Variants in ABCF3 observed in about 807,000 individuals in gnomAD.
ABCF3 encodes ATP-binding cassette sub-family F member 3.
In ABCF3, 62 loss-of-function variants were observed where a neutral mutation model predicts 94.3. The observed-to-expected ratio is 0.66, with a 90% confidence interval of 0.54 to 0.81. The LOEUF is 0.81. Ranked by LOEUF, ABCF3 falls within the 40% of genes least tolerant of loss-of-function variation. The pLI is 0.00. For missense variants in ABCF3, 843 were observed against 925.3 expected (o/e 0.91, Z 1.15); for synonymous variants, 355 against 361.1 (o/e 0.98, Z 0.19).
Position 184,193,908 on chromosome 3 carries a change from G to C in ABCF3, c.*210G>C. 1.6e-6 allele frequency: 1 copy of C among 626,486 alleles called. No individual in the cohort carries two copies. Among genetic ancestry groups the C allele is most frequent in the Admixed American group, 3.4e-5 (1 of 29,728 alleles). The allele number at this position is 626,486 out of a possible 1,614,324, so 38.8% of individuals were successfully genotyped here. ...GAGGACTGGTCTCCCGGGGGTGGGG[G>C]TCTGGGGGGTACCCTCTGGGGTTAT... On this transcript the variant is annotated 3_prime_UTR_variant, in exon 21 of 21. Coordinates refer to ENST00000429586, the MANE Select transcript of ABCF3 (RefSeq NM_018358.3). The surrounding 1 kb of genome is among the most constrained non-coding windows in gnomAD (Gnocchi z 5.2).
chr3:184,186,222 CGAAATCCT>C lies in ABCF3; in HGVS notation c.17_24del (p.Glu6AlafsTer8). ...CTGAGTGGAACATGGCGACTTGCGC[CGAAATCCT>C]GCGGAGCGAGTTCCCCGAAATTGAC... On this transcript the variant is annotated frameshift_variant, in exon 1 of 21. Transcript: ENST00000429586. LOFTEE classifies it high-confidence loss of function. 5 of 1,614,188 alleles carry C rather than the reference CGAAATCCT, an allele frequency of 3.1e-6. No individual in the cohort carries two copies. Among genetic ancestry groups the C allele is most frequent in the Non-Finnish European group, 4.2e-6 (5 of 1,180,036 alleles).
At chr3:184,190,425 G>A (rs1715947097) in intron 14 of ABCF3, 1 of 175,226 alleles carries the variant, frequency 5.7e-6, no homozygotes, top group Non-Finnish European at 1.2e-5. Flanking sequence ...GTGGACATAT[G>A]TTTTCAGCTT....
At position 184,188,199 on chromosome 3, in the gene ABCF3, G is replaced by T; in HGVS notation, c.628G>T (p.Gly210Trp). 1.2e-6 allele frequency: 2 copies of T among 1,614,084 alleles called. No homozygotes were observed. The highest frequency in any genetic ancestry group is 1.7e-6 in the Non-Finnish European group (2 of 1,180,042). ...ATGGGGCCGCCGTTACGGGCTGGTG[G>T]GGCGGAATGGGTTGGGGAAGACAAC... Reference protein sequence around the residue: ...LAWGRRYGLVGRNGLGKTTLL... With the variant: ...LAWGRRYGLVWRNGLGKTTLL... Residue 210 changes from glycine (G) to tryptophan (W), a missense_variant, in exon 7 of 21, where the codon GGG becomes TGG. Transcript: ENST00000429586.
chr3:184,193,324 C>T lies in ABCF3; in HGVS notation c.1884-41C>T, dbSNP rs79929914. 15,953 of 1,613,682 alleles carry T rather than the reference C, an allele frequency of 9.9e-3. 103 individuals carry two copies. Among genetic ancestry groups the T allele is most frequent in the Non-Finnish European group, 0.012 (13,894 of 1,179,760 alleles). Reference sequence around the variant, plus strand: ...ATCAGAAGGCTTTATTTTCTCTCACCGCACCCCTTCACTGCCCACCTTCCT... The same window carrying T: ...ATCAGAAGGCTTTATTTTCTCTCACTGCACCCCTTCACTGCCCACCTTCCT... On this transcript the variant is annotated intron_variant, in intron 19 of 20. Coordinates refer to ENST00000429586, the MANE Select transcript of ABCF3 (RefSeq NM_018358.3). The surrounding 1 kb of genome is among the most constrained non-coding windows in gnomAD (Gnocchi z 5.2).
rs376588044 is a variant in ABCF3 at position 184,191,058 on chromosome 3, A to T, written c.1436+15A>T. The T allele has an allele frequency of 5.1e-4, 828 of 1,614,098 alleles. 1 individual carries two copies. The highest frequency in any genetic ancestry group is 6.9e-4 in the Non-Finnish European group (813 of 1,180,046). On this transcript the variant is annotated intron_variant, in intron 15 of 20. Coordinates refer to ENST00000429586, the MANE Select transcript of ABCF3 (RefSeq NM_018358.3). ...GTCGTAATGAAGTAAGTGCTGGGCCAGTGGGGCTGGTGGGGAATTGCTTGC... is the reference window on the plus strand; with the variant it reads ...GTCGTAATGAAGTAAGTGCTGGGCCTGTGGGGCTGGTGGGGAATTGCTTGC...
chr3:184,187,631 C>T, intron 4 of ABCF3, 33 bp from the exon 5 acceptor site: 3 of 1,611,806 alleles, frequency 1.9e-6, no homozygotes, highest in Non-Finnish European at 2.5e-6. Context: ...GAGCCTACAC[C>T]CGAGAGTGAA....
rs1715889272 is a variant in ABCF3, at chr3:184,189,708, A to G, written c.1265A>G (p.Asn422Ser). 6.2e-7 allele frequency: 1 copy of G among 1,613,970 alleles called. No individual in the cohort carries two copies. The highest frequency in any genetic ancestry group is 1.3e-5 in the African/African-American group (1 of 74,926). ...AAGAGTAAGCAGGAGCGGCTGCTCA[A>G]CCAGCAGCGTGAATATGAGGCGCAG... The part of the protein sequence containing the change: ...FIKSKQERLL[N>S]QQREYEAQQQ... Residue 422 changes from asparagine (N) to serine (S), a missense_variant, in exon 13 of 21, where the codon AAC (asparagine) becomes AGC (serine). Coordinates refer to ENST00000429586, the MANE Select transcript of ABCF3 (RefSeq NM_018358.3).
intron 18 of ABCF3, 21 bp downstream of exon 18, chr3:184,192,917 G>A (rs377486693): frequency 2.2e-5 from 36 of 1,612,690 alleles, no homozygotes; most frequent in Non-Finnish European, 3.0e-5. Flanking sequence ...GATTTGAGTC[G>A]GGGGAAGAGT....
chr3:184,188,060 T>C, intron 6 of ABCF3, 77 bp downstream of exon 6: 6 of 1,612,332 alleles, frequency 3.7e-6, no homozygotes, highest in Non-Finnish European at 4.2e-6. Flanking sequence ...AACGGGGCTA[T>C]AAACAATGTT....
In ABCF3 at chr3:184,193,881, G is replaced by T. The variant is rs1374301959; in HGVS notation, c.*183G>T. 15 of 797,556 alleles carry T rather than the reference G, an allele frequency of 1.9e-5. No individual in the cohort carries two copies. Among genetic ancestry groups the T allele is most frequent in the Non-Finnish European group, 2.9e-5 (15 of 524,238 alleles). 49.4% of individuals were successfully genotyped at this position (797,556 alleles called of 1,614,324 possible). A position where few individuals can be genotyped will look rare whatever the true frequency, so the allele number is the denominator to read the frequency against. Reference sequence around the variant, plus strand: ...ACCTTGGGAGCCCATCCAAGGGTTGGTGAGGACTGGTCTCCCGGGGGTGGG... The same window carrying T: ...ACCTTGGGAGCCCATCCAAGGGTTGTTGAGGACTGGTCTCCCGGGGGTGGG... On this transcript the variant is annotated 3_prime_UTR_variant, in exon 21 of 21. Transcript: ENST00000429586. This position sits in a 1 kb window ranked among gnomAD's most constrained non-coding sequence, Gnocchi z 5.2.
At position 184,188,804 on chromosome 3, in the gene ABCF3, A is replaced by G; in HGVS notation, c.880A>G (p.Lys294Glu). 1 of 1,613,988 alleles carries G rather than the reference A, an allele frequency of 6.2e-7. No homozygotes were observed. Among genetic ancestry groups the G allele is most frequent in the Admixed American group, 1.7e-5 (1 of 60,016 alleles). The change falls in exon 8 of 21, where the codon AAA becomes GAA. Residue 294 changes from lysine (K) to glutamate (E), a missense_variant. By Grantham distance (56) the Lys-to-Glu change is moderately conservative (BLOSUM62 1). Transcript: ENST00000429586. ...TGCAGAGCTGGCAGAAATCTATGCC[A>G]AACTGGAGGAGATTGAGGCTGACAA... ...EAAELAEIYA[K>E]LEEIEADKAP...
Position 184,189,078 on chromosome 3 carries a change from C to G in ABCF3, c.978-10C>G. 1 of 1,614,214 alleles carries G rather than the reference C, an allele frequency of 6.2e-7. No individual in the cohort carries two copies. The highest frequency in any genetic ancestry group is 1.3e-5 in the African/African-American group (1 of 75,062). ...ACACCCACCCATAATGTGACTCCATCATTCTTTAGGGAGTTCTCAGGTGGC... is the reference window on the plus strand; with the variant it reads ...ACACCCACCCATAATGTGACTCCATGATTCTTTAGGGAGTTCTCAGGTGGC... On this transcript the variant is annotated splice_polypyrimidine_tract_variant and intron_variant, in intron 9 of 20. Coordinates refer to ENST00000429586, the MANE Select transcript of ABCF3 (RefSeq NM_018358.3).
Position 184,188,622 on chromosome 3 carries a change from G to C in ABCF3, c.837-139G>C, listed in dbSNP as rs896267866. On this transcript the variant is annotated intron_variant, in intron 7 of 20. Transcript: ENST00000429586. ...CCATTTCCATAGTGCCCAAGGTAAT[G>C]AGCACTGTGCAAACCCTTCCTGTAT... The C allele has an allele frequency of 3.9e-6, 4 of 1,031,758 alleles. No homozygotes were observed. The Admixed American group carries it at 1.1e-4, about 27-fold the overall frequency. 63.9% of individuals were successfully genotyped at this position (1,031,758 alleles called of 1,614,324 possible).
At chr3:184,192,398 G>A (rs1481062976) in intron 16 of ABCF3, among the ~76,000 whole-genome samples, 2 of 152,022 alleles carry the variant, frequency 1.3e-5, no homozygotes, top group East Asian at 3.9e-4. Flanking sequence ...CTATCTAACT[G>A]CAATTTTGTT....
rs1560134183 is a variant in ABCF3, at chr3:184,189,085, T to C, written c.978-3T>C. 6 of 1,614,090 alleles carry C rather than the reference T, an allele frequency of 3.7e-6. No individual in the cohort carries two copies. The highest frequency in any genetic ancestry group is 5.1e-6 in the Non-Finnish European group (6 of 1,180,028). On this transcript the variant is annotated splice_polypyrimidine_tract_variant and splice_region_variant and intron_variant, in intron 9 of 20. Coordinates refer to ENST00000429586, the MANE Select transcript of ABCF3 (RefSeq NM_018358.3). Reference sequence around the variant, plus strand: ...CCCATAATGTGACTCCATCATTCTTTAGGGAGTTCTCAGGTGGCTGGAGGA... The same window carrying C: ...CCCATAATGTGACTCCATCATTCTTCAGGGAGTTCTCAGGTGGCTGGAGGA...
In ABCF3 at chr3:184,191,258, A is replaced by G. The variant is rs375087056; in HGVS notation, c.1569+3A>G. On this transcript the variant is annotated splice_donor_region_variant and intron_variant, in intron 16 of 20. Coordinates refer to ENST00000429586, the MANE Select transcript of ABCF3 (RefSeq NM_018358.3). ...ATCTCGAGTCTCGCATCTGTGTGGT[A>G]AGGCTGCTGTTTCTCTGTGCTGCGA... 7 of 1,613,820 alleles carry G rather than the reference A, an allele frequency of 4.3e-6. No individual in the cohort carries two copies. Among genetic ancestry groups the G allele is most frequent in the Non-Finnish European group, 5.1e-6 (6 of 1,180,022 alleles).
At chr3:184,191,861 C>G (rs1388727942) in intron 16 of ABCF3, among the ~76,000 whole-genome samples, 1 of 151,628 alleles carries the variant, frequency 6.6e-6, no homozygotes, top group Non-Finnish European at 1.5e-5. Context: ...AGTTCTCCCT[C>G]AGCCCCACAA....
Position 184,189,445 on chromosome 3 carries a change from T to C in ABCF3, c.1113+2T>C. On this transcript the variant is annotated splice_donor_variant, in intron 12 of 20. Transcript: ENST00000429586. LOFTEE classifies it high-confidence loss of function. ...CTGTGGCTGGAGAATTACCTGCAGGTGAGTGCCTGTGGGTGCTGGAGTGTG... is the reference window on the plus strand; with the variant it reads ...CTGTGGCTGGAGAATTACCTGCAGGCGAGTGCCTGTGGGTGCTGGAGTGTG... The C allele has an allele frequency of 6.2e-7, 1 of 1,613,890 alleles. No individual in the cohort carries two copies. Among genetic ancestry groups the C allele is most frequent in the Non-Finnish European group, 8.5e-7 (1 of 1,179,962 alleles).
In ABCF3 at chr3:184,193,904, G is replaced by A; in HGVS notation, c.*206G>A. ...TGGTGAGGACTGGTCTCCCGGGGGT[G>A]GGGGTCTGGGGGGTACCCTCTGGGG... On this transcript the variant is annotated 3_prime_UTR_variant, in exon 21 of 21. Coordinates refer to ENST00000429586, the MANE Select transcript of ABCF3 (RefSeq NM_018358.3). This position sits in a 1 kb window ranked among gnomAD's most constrained non-coding sequence, Gnocchi z 5.2. The A allele has an allele frequency of 1.6e-6, 1 of 629,968 alleles. No homozygotes were observed. Among genetic ancestry groups the A allele is most frequent in the South Asian group, 2.2e-5 (1 of 45,204 alleles). The allele number at this position is 629,968 out of a possible 1,614,324, so 39.0% of individuals were successfully genotyped here. A position where few individuals can be genotyped will look rare whatever the true frequency, so the allele number is the denominator to read the frequency against.
Sources: gnomAD v4.1 joint callset for allele counts (sites outside exome capture counted in the v4.1 genomes callset) on GRCh38, gnomAD v4.1.1 for gene constraint, Gnocchi (gnomAD v3.1) non-coding constraint, MANE v1.5 for transcripts, NCBI Gene and HGNC (gene_info 2026-07-23, HGNC 2026-07-21) for gene names.